Variants in LLGL2 observed in about 807,000 individuals in gnomAD.
The protein encoded by LLGL2 is LLGL scribble cell polarity complex component 2.
Under a neutral mutation model 123.2 loss-of-function variants are expected in LLGL2, and 81 were observed. The ratio of observed to expected loss-of-function variants is 0.66; its 90% CI spans 0.55 to 0.79. The LOEUF is 0.79. Ranked by LOEUF, LLGL2 falls within the 30% of genes least tolerant of loss-of-function variation. The pLI, the probability that LLGL2 is intolerant of heterozygous loss-of-function variation, is 0.00. For synonymous variants in LLGL2, 577 were observed against 594.1 expected (o/e 0.97, Z 0.42); for missense variants, 1,273 against 1,414.6 (o/e 0.90, Z 1.61).
chr17:75,530,857 A>T (rs2053760003), intron 1 of LLGL2, among the ~76,000 whole-genome samples: 1 of 151,980 alleles, frequency 6.6e-6, no homozygotes, highest in South Asian at 2.1e-4. Flanking sequence ...TTCAGCGAGG[A>T]CCTTTTTCAG....
In LLGL2 at chr17:75,573,081, T is replaced by C. The variant is rs2055799103; in HGVS notation, c.2528T>C (p.Val843Ala). 6.2e-7 allele frequency: 1 copy of C among 1,612,108 alleles called. No individual in the cohort carries two copies. Among genetic ancestry groups the C allele is most frequent in the Non-Finnish European group, 8.5e-7 (1 of 1,179,706 alleles). Reference sequence around the variant, plus strand: ...CTGACGGCCCTGGAGGGCTCAAGAGTGCGGCGGGTCAGCGTGGCCCACTTC... The same window carrying C: ...CTGACGGCCCTGGAGGGCTCAAGAGCGCGGCGGGTCAGCGTGGCCCACTTC... ...LKLTALEGSR[V>A]RRVSVAHFGS... Residue 843 changes from valine to alanine, a missense_variant, in exon 20 of 26, where the codon GTG becomes GCG. Transcript: ENST00000392550.
intron 1 of LLGL2, among the ~76,000 whole-genome samples, chr17:75,528,700 T>C (rs1177352995): frequency 6.6e-6 from 1 of 151,146 alleles, no homozygotes; most frequent in Admixed American, 6.6e-5. Context: ...ATCACGCCAT[T>C]GCACTCCAGC....
intron 2 of LLGL2, among the ~76,000 whole-genome samples, chr17:75,550,829 A>G (rs1456102996): frequency 6.7e-6 from 1 of 150,256 alleles, no homozygotes; most frequent in African/African-American, 2.5e-5. Context: ...CTAGGGGGCA[A>G]CTGGGGCACA....
chr17:75,554,570 A>G (rs1002886164), intron 2 of LLGL2, among the ~76,000 whole-genome samples: 1 of 151,736 alleles, frequency 6.6e-6, no homozygotes, highest in African/African-American at 2.4e-5. Flanking sequence ...CAGTGAACCG[A>G]AATCATGCCG....
intron 21 of LLGL2, 47 bp downstream of exon 21, chr17:75,573,678 T>A: frequency 1.1e-6 from 1 of 924,546 alleles, no homozygotes; most frequent in Non-Finnish European, 1.4e-6. Flanking sequence ...CGCCCCTCCC[T>A]GCCCTCTCTG....
chr17:75,532,949 C>A (rs1348295606), intron 1 of LLGL2, among the ~76,000 whole-genome samples: 1 of 152,184 alleles, frequency 6.6e-6, no homozygotes, highest in Admixed American at 6.5e-5. Flanking sequence ...TTGGCAGATA[C>A]CTTTTCTAGT....
chr17:75,573,660 G>T, intron 21 of LLGL2, 29 bp downstream of exon 21: 2 of 954,826 alleles, frequency 2.1e-6, no homozygotes. Flanking sequence ...GGCCTCTCCC[G>T]CCCCTCCCGC....
At chr17:75,548,337 G>GTACC (rs1350038851) in intron 2 of LLGL2, among the ~76,000 whole-genome samples, 1 of 149,686 alleles carries the variant, frequency 6.7e-6, no homozygotes, top group Admixed American at 6.7e-5. Flanking sequence ...GAGTGCAATG[G>GTACC]TACCATCTCA....
chr17:75,573,406 C>A, intron 20 of LLGL2, 75 bp from the exon 21 acceptor site: 1 of 1,567,298 alleles, frequency 6.4e-7, no homozygotes, highest in South Asian at 1.2e-5. Flanking sequence ...GGAGCACTAG[C>A]CCCTACTCCC....
Position 75,564,475 on chromosome 17 carries a change from T to G in LLGL2, c.1004T>G (p.Phe335Cys), listed in dbSNP as rs1277630571. Residue 335 changes from phenylalanine (F) to cysteine (C), a missense_variant, in exon 10 of 26, where the codon TTC becomes TGC. Transcript: ENST00000392550. This position sits in a 1 kb window ranked among gnomAD's most constrained non-coding sequence, Gnocchi z 4.9. ...AFDFTSRVIG[F>C]TVLTEADPAA... is the part of the protein sequence containing the mutation. ...GACTTCACCTCCCGTGTCATCGGCT[T>G]CACTGTCCTCACAGAGGCAGACCCT... 1 of 1,613,236 alleles carries G rather than the reference T, an allele frequency of 6.2e-7. No individual in the cohort carries two copies. Among genetic ancestry groups the G allele is most frequent in the East Asian group, 2.2e-5 (1 of 44,888 alleles).
chr17:75,574,491 C>T lies in LLGL2; in HGVS notation c.2992C>T (p.Arg998Cys), dbSNP rs750456928. 7.7e-6 allele frequency: 12 copies of T among 1,557,390 alleles called. No homozygotes were observed. The Admixed American group carries it at 1.4e-4, about 18-fold the overall frequency. The part of the protein sequence containing the change: ...KEIQSTLEGD[R>C]GSGNWRSHRA... ...AATCCAGAGCACACTGGAGGGAGAC[C>T]GCGGGTGAGGCACCGCCCAGGCCAG... Residue 998 changes from arginine to cysteine, a missense_variant, in exon 24 of 26, where the codon CGC becomes TGC. Transcript: ENST00000392550.
intron 16 of LLGL2, 103 bp downstream of exon 16, chr17:75,570,601 A>C (rs2055660018): frequency 1.4e-6 from 2 of 1,383,790 alleles, no homozygotes; most frequent in East Asian, 5.0e-5. Flanking sequence ...TTGCTAGGCT[A>C]CAAACAAGAT....
intron 1 of LLGL2, among the ~76,000 whole-genome samples, chr17:75,532,156 C>G (rs1004880930): frequency 1.3e-5 from 2 of 148,484 alleles, no homozygotes; most frequent in Admixed American, 6.8e-5. Context: ...TTTCGGCTCA[C>G]TGCAGTCTCC....
At position 75,560,800 on chromosome 17, in the gene LLGL2, A is replaced by AT. The variant is rs141229091; in HGVS notation, c.530+1392dup. Among the ~76,000 whole-genome samples, 15 of 31,460 alleles carry AT rather than the reference A, an allele frequency of 4.8e-4. No individual in the cohort carries two copies. In the East Asian group the frequency reaches 5.0e-3, roughly 10 times the overall value. The allele number at this position is 31,460 out of a possible 152,430, so 20.6% of individuals were successfully genotyped here. On this transcript the variant is annotated intron_variant, in intron 6 of 25. Coordinates refer to ENST00000392550, the MANE Select transcript of LLGL2 (RefSeq NM_001031803.2). ...AGCGCCTGGCCCAGTTTGTTTATTTATTAAAAAAAAAAAAAAAAAAAAAAA... is the reference window on the plus strand; with the variant it reads ...AGCGCCTGGCCCAGTTTGTTTATTTATTTAAAAAAAAAAAAAAAAAAAAAAA...
chr17:75,571,363 C>G (rs565392763), intron 17 of LLGL2: 1 of 578,892 alleles, frequency 1.7e-6, no homozygotes, highest in Non-Finnish European at 3.1e-6. Context: ...CTTTCAGGGC[C>G]TCAGCTTGCT....
At position 75,574,677 on chromosome 17, in the gene LLGL2, T is replaced by C; in HGVS notation, c.3055+9T>C. On this transcript the variant is annotated intron_variant, in intron 25 of 25. Coordinates refer to ENST00000392550, the MANE Select transcript of LLGL2 (RefSeq NM_001031803.2). ...CCTCAGCAATGGCGGAGGTGGGGGC[T>C]CTGGGCTTGAGTGCAGCTGCCAACC... 1 of 1,609,686 alleles carries C rather than the reference T, an allele frequency of 6.2e-7. No homozygotes were observed. Among genetic ancestry groups the C allele is most frequent in the South Asian group, 1.1e-5 (1 of 90,936 alleles).
chr17:75,572,862 C>G lies in LLGL2; in HGVS notation c.2461-152C>G, dbSNP rs2055787818. On this transcript the variant is annotated intron_variant, in intron 19 of 25. Coordinates refer to ENST00000392550, the MANE Select transcript of LLGL2 (RefSeq NM_001031803.2). ...ATCCAGATAGGGAAGTCGGTGACCTCGGCATCCTCCCAGGCCATGTCTGTG... is the reference window on the plus strand; with the variant it reads ...ATCCAGATAGGGAAGTCGGTGACCTGGGCATCCTCCCAGGCCATGTCTGTG... 8 of 892,890 alleles carry G rather than the reference C, an allele frequency of 9.0e-6. No homozygotes were observed. In the South Asian group the frequency reaches 1.5e-4, roughly 16 times the overall value. 55.3% of individuals were successfully genotyped at this position (892,890 alleles called of 1,614,324 possible).
rs865879100 is a variant in LLGL2, at chr17:75,568,595, G to A, written c.1156G>A (p.Ala386Thr). Residue 386 changes from alanine to threonine, a missense_variant, in exon 11 of 26, where the codon GCC (alanine) becomes ACC (threonine). Physicochemically the swap from Ala to Thr is moderately conservative, Grantham distance 58. Transcript: ENST00000392550. ...CTACCTGGCTTCTCTGCACTGTTCC[G>A]CCATCACCTGCTCTCACCACGTCTC... ...LPYLASLHCSAITCSHHVSNI... is the reference protein window; with the variant it reads ...LPYLASLHCSTITCSHHVSNI... 28 of 1,613,738 alleles carry A rather than the reference G, an allele frequency of 1.7e-5. No homozygotes were observed. The highest frequency in any genetic ancestry group is 1.6e-4 in the Middle Eastern group (1 of 6,084).
chr17:75,541,875 G>A (rs376078213), intron 1 of LLGL2, among the ~76,000 whole-genome samples: 7 of 151,682 alleles, frequency 4.6e-5, no homozygotes, highest in Non-Finnish European at 7.4e-5. Flanking sequence ...GATTACAGGC[G>A]TCTGCCACCA....
Sources: allele counts gnomAD v4.1 joint callset (sites outside exome capture counted in the v4.1 genomes callset), GRCh38; gene constraint gnomAD v4.1.1; non-coding constraint Gnocchi (gnomAD v3.1); transcripts MANE v1.5; gene names NCBI Gene and HGNC (gene_info 2026-07-23, HGNC 2026-07-21).